Variants in KLHL29 observed in about 807,000 individuals in gnomAD.
The protein encoded by KLHL29 is kelch like family member 29.
KLHL29 carries 21 observed loss-of-function variants against 80.4 expected under a neutral mutation model. That is an observed-to-expected ratio of 0.26 (90% CI 0.19 to 0.38). The LOEUF is 0.38. Among genes scored for constraint, KLHL29 ranks in the 10% least tolerant of loss-of-function variants. The pLI, the probability that KLHL29 is intolerant of heterozygous loss-of-function variation, is 1.00. For missense variants in KLHL29, 867 were observed against 1,223.9 expected, an observed-to-expected ratio of 0.71 and a Z score of 4.35; for synonymous variants, 511 against 526.8, an observed-to-expected ratio of 0.97 and a Z score of 0.41.
intron 7 of KLHL29, 42 bp from the exon 8 acceptor site, chr2:23,693,227 T>C (rs1237082648): frequency 6.6e-7 from 1 of 1,516,360 alleles, no homozygotes; most frequent in Non-Finnish European, 8.9e-7. Context: ...GGCAACTGCT[T>C]CCCGGGCCTT....
At chr2:23,584,755 G>C (rs1668074926) in intron 3 of KLHL29, among the ~76,000 whole-genome samples, 1 of 152,078 alleles carries the variant, frequency 6.6e-6, no homozygotes, top group African/African-American at 2.4e-5. Context: ...TTCTTGTTTT[G>C]AGACAGAGTC....
chr2:23,510,914 CA>C (rs1665753277), intron 2 of KLHL29, among the ~76,000 whole-genome samples: 2 of 152,274 alleles, frequency 1.3e-5, no homozygotes, highest in South Asian at 4.2e-4. Context: ...TCCAGGCAGT[CA>C]AACAGTTTGG....
chr2:23,563,806 A>G (rs898370430), intron 3 of KLHL29, among the ~76,000 whole-genome samples: 1 of 152,078 alleles, frequency 6.6e-6, no homozygotes, highest in African/African-American at 2.4e-5. Flanking sequence ...TGCCTTATTG[A>G]TTTTATTTTC....
At chr2:23,599,369 G>A (rs1388017446) in intron 3 of KLHL29, among the ~76,000 whole-genome samples, 6 of 152,016 alleles carry the variant, frequency 3.9e-5, no homozygotes, top group Non-Finnish European at 5.9e-5. Flanking sequence ...TTTCTCATCC[G>A]TAATAACAAG....
chr2:23,652,789 A>G (rs1468224735), intron 5 of KLHL29, among the ~76,000 whole-genome samples: 1 of 152,192 alleles, frequency 6.6e-6, no homozygotes, highest in African/African-American at 2.4e-5. Flanking sequence ...GCGAAAAGAG[A>G]AAAAATTGTC....
chr2:23,449,610 G>A (rs1413676548), intron 1 of KLHL29, among the ~76,000 whole-genome samples: 3 of 152,238 alleles, frequency 2.0e-5, no homozygotes, highest in African/African-American at 7.2e-5. Flanking sequence ...TCTGAGAAAT[G>A]AAAGAGGAAG....
At chr2:23,601,965 T>C (rs1668582160) in intron 3 of KLHL29, among the ~76,000 whole-genome samples, 2 of 152,152 alleles carry the variant, frequency 1.3e-5, no homozygotes, top group Non-Finnish European at 2.9e-5. Context: ...CTCTTGGGGC[T>C]CTGGAGCCAG....
At chr2:23,576,797 G>A (rs916531676) in intron 3 of KLHL29, among the ~76,000 whole-genome samples, 6 of 152,154 alleles carry the variant, frequency 3.9e-5, no homozygotes, top group Admixed American at 1.3e-4. Flanking sequence ...TGTGTCCCTC[G>A]CCTCCAGTCG....
chr2:23,484,960 G>A (rs527957558), intron 2 of KLHL29, among the ~76,000 whole-genome samples: 2 of 152,140 alleles, frequency 1.3e-5, no homozygotes, highest in East Asian at 3.9e-4. Context: ...AGAGCTCCAG[G>A]GCCGCCCCCG....
chr2:23,510,252 C>G (rs1341618951), intron 2 of KLHL29, among the ~76,000 whole-genome samples: 1 of 152,106 alleles, frequency 6.6e-6, no homozygotes, highest in African/African-American at 2.4e-5. Context: ...CAGGAAATGT[C>G]TGGAAGATGG....
At chr2:23,510,302 C>T (rs1665730579) in intron 2 of KLHL29, among the ~76,000 whole-genome samples, 1 of 152,192 alleles carries the variant, frequency 6.6e-6, no homozygotes, top group Admixed American at 6.5e-5. Context: ...GGCACCAGGG[C>T]CGCTGAGGTT....
intron 1 of KLHL29, among the ~76,000 whole-genome samples, chr2:23,461,931 G>A (rs1664220479): frequency 6.7e-6 from 1 of 149,570 alleles, no homozygotes; most frequent in East Asian, 2.0e-4. Flanking sequence ...GGAAACTGAG[G>A]TTCCCAGGTA....
rs1209139012 is a variant in KLHL29, at chr2:23,681,901, C to G, written c.941-2498C>G. 6.6e-6 allele frequency among the ~76,000 whole-genome samples: 1 copy of G among 152,214 alleles called. No homozygotes were observed. The highest frequency in any genetic ancestry group is 2.4e-5 in the African/African-American group (1 of 41,450). On this transcript the variant is annotated intron_variant, in intron 5 of 13. Transcript: ENST00000486442. This position sits in a 1 kb window ranked among gnomAD's most constrained non-coding sequence, Gnocchi z 4.2. ...AGCCTTATCCAGCCTGGCCCTGCAA[C>G]TGGCCCTGTGCTGTCTCCCCTCCGC... is the stretch of plus-strand genomic sequence containing the variant.
At chr2:23,698,140 G>A (rs555929501) in intron 11 of KLHL29, among the ~76,000 whole-genome samples, 1 of 152,166 alleles carries the variant, frequency 6.6e-6, no homozygotes, top group South Asian at 2.1e-4. Context: ...GCCTTCCCTG[G>A]GGGGCAAGGC....
At chr2:23,693,148 C>T in intron 7 of KLHL29, 121 bp from the exon 8 acceptor site, 1 of 1,136,546 alleles carries the variant, frequency 8.8e-7, no homozygotes, top group Non-Finnish European at 1.2e-6. Flanking sequence ...GGACTCTGGA[C>T]ACTGCAGTCA....
At chr2:23,498,426 C>G (rs1184829664) in intron 2 of KLHL29, among the ~76,000 whole-genome samples, 1 of 152,186 alleles carries the variant, frequency 6.6e-6, no homozygotes, top group Admixed American at 6.5e-5. Context: ...GAACAAACAC[C>G]CGATCAGGCA....
At chr2:23,428,747 T>G (rs1362314463) in intron 1 of KLHL29, among the ~76,000 whole-genome samples, 1 of 152,178 alleles carries the variant, frequency 6.6e-6, no homozygotes, top group East Asian at 1.9e-4. Context: ...AATTGGAACT[T>G]GGCATACCCT....
At chr2:23,456,199 C>T (rs904548947) in intron 1 of KLHL29, among the ~76,000 whole-genome samples, 3 of 152,202 alleles carry the variant, frequency 2.0e-5, no homozygotes, top group African/African-American at 7.2e-5. Context: ...ATTTTTCTTC[C>T]AAGCAGATTC....
intron 1 of KLHL29, among the ~76,000 whole-genome samples, chr2:23,424,897 A>G (rs1572502379): frequency 6.6e-6 from 1 of 152,366 alleles, no homozygotes; most frequent in East Asian, 1.9e-4. Flanking sequence ...CGATCGGGTC[A>G]CAAAAGCAGT....
Sources: allele counts gnomAD v4.1 joint callset (sites outside exome capture counted in the v4.1 genomes callset), GRCh38; gene constraint gnomAD v4.1.1; non-coding constraint Gnocchi (gnomAD v3.1); transcripts MANE v1.5; gene names NCBI Gene and HGNC (gene_info 2026-07-23, HGNC 2026-07-21).